HK3: variants seen among roughly 807,000 people sequenced by gnomAD.
HK3 encodes hexokinase 3.
In HK3, 93 loss-of-function variants were observed where a neutral mutation model predicts 91.0. That is an observed-to-expected ratio of 1.02 (90% CI 0.86 to 1.21). The LOEUF (loss-of-function observed/expected upper bound fraction) is 1.21, where lower values mean the gene tolerates loss of function less well. HK3 is among the 50% of genes most tolerant of loss of function. HK3 has a pLI of 0.00. For synonymous variants in HK3, 519 were observed against 516.9 expected (o/e 1.00, Z -0.06); for missense variants, 1,235 against 1,247.4 (o/e 0.99, Z 0.15).
chr5:176,891,114 T>C lies in HK3; in HGVS notation c.337A>G (p.Ile113Val), dbSNP rs1432906686. ...CTGGGCTCCACCCTATGCCCCTCAA[T>C]GCCAGTTAGAGTCACCCACAAAACA... Reference protein sequence around the residue: ...LRVLWVTLTGIEGHRVEPRSQ... With the variant: ...LRVLWVTLTGVEGHRVEPRSQ... The change falls in exon 4 of 19, where the codon ATT becomes GTT. Residue 113 changes from isoleucine (I) to valine (V), a missense_variant. Physicochemically the swap from Ile to Val is conservative, Grantham distance 29 (BLOSUM62 3). Transcript: ENST00000292432. The C allele has an allele frequency of 6.2e-7, 1 of 1,614,104 alleles. No individual in the cohort carries two copies. The highest frequency in any genetic ancestry group is 1.7e-5 in the Admixed American group (1 of 60,028).
intron 13 of HK3, among the ~76,000 whole-genome samples, chr5:176,886,740 G>T (rs1405548729): frequency 6.6e-6 from 1 of 152,196 alleles, no homozygotes; most frequent in East Asian, 1.9e-4. Context: ...ACACACCAGT[G>T]CTATAGCTAA....
Position 176,896,151 on chromosome 5 carries a change from G to A in HK3, c.9C>T (p.Ser3=), listed in dbSNP as rs760767742. 43 of 1,607,314 alleles carry A rather than the reference G, an allele frequency of 2.7e-5. 2 individuals carry two copies. In the Middle Eastern group the frequency reaches 5.0e-4, roughly 19 times the overall value. MD[S]IGSSGLRQGE... Reference sequence around the variant, plus strand: ...CCTGCCGCAACCCTGAAGACCCAATGGAGTCCATGAGCTTCCACAGTGGAA... The same window carrying A: ...CCTGCCGCAACCCTGAAGACCCAATAGAGTCCATGAGCTTCCACAGTGGAA... The change falls in exon 2 of 19, where the codon TCC becomes TCT. Residue 3 remains serine (S), a synonymous_variant. Transcript: ENST00000292432.
chr5:176,891,358 T>C, intron 3 of HK3, 30 bp downstream of exon 3: 1 of 1,609,718 alleles, frequency 6.2e-7, no homozygotes, highest in Non-Finnish European at 8.5e-7. Flanking sequence ...CTTCCAGGCC[T>C]GGCCACGCAT....
At position 176,884,991 on chromosome 5, in the gene HK3, A is replaced by C. The variant is rs533155828; in HGVS notation, c.1858-857T>G. ...TTGTCTCAAAAACAGAAAGCAGAGA[A>C]TGTGATAGAGTGAGAGAAAGAACCC... On this transcript the variant is annotated intron_variant, in intron 13 of 18. Coordinates refer to ENST00000292432, the MANE Select transcript of HK3 (RefSeq NM_002115.3). This position sits in a 1 kb window ranked among gnomAD's most constrained non-coding sequence, Gnocchi z 4.1. Among the ~76,000 whole-genome samples the C allele has an allele frequency of 1.3e-5, 2 of 152,294 alleles. No homozygotes were observed. The highest frequency in any genetic ancestry group is 4.8e-5 in the African/African-American group (2 of 41,556).
chr5:176,891,613 C>G (rs1758777853), intron 2 of HK3, 63 bp from the exon 3 acceptor site: 2 of 1,534,770 alleles, frequency 1.3e-6, no homozygotes, highest in Admixed American at 1.9e-5. Flanking sequence ...CTCCCCACCT[C>G]CAAACAAGGC....
Position 176,884,224 on chromosome 5 carries a change from A to G in HK3, c.1858-90T>C, listed in dbSNP as rs1299368779. On this transcript the variant is annotated intron_variant, in intron 13 of 18. Transcript: ENST00000292432. The surrounding 1 kb of genome is among the most constrained non-coding windows in gnomAD (Gnocchi z 4.1). ...CAAAACCTGCATCCATCACAAGCCT[A>G]GGCTTTCCACCCTCCCCAAGCACAA... 1.8e-6 allele frequency: 2 copies of G among 1,083,496 alleles called. No individual in the cohort carries two copies. The highest frequency in any genetic ancestry group is 3.5e-5 in the Admixed American group (2 of 57,718). The allele number at this position is 1,083,496 out of a possible 1,614,324, so 67.1% of individuals were successfully genotyped here. A position where few individuals can be genotyped will look rare whatever the true frequency, so the allele number is the denominator to read the frequency against.
chr5:176,895,256 T>C (rs950670994), intron 2 of HK3, among the ~76,000 whole-genome samples: 1 of 151,944 alleles, frequency 6.6e-6, no homozygotes, highest in East Asian at 1.9e-4. Context: ...TTTGTATTTT[T>C]AGTAGAGACG....
Position 176,887,790 on chromosome 5 carries a change from A to G in HK3, c.1305-44T>C. 2 of 1,564,172 alleles carry G rather than the reference A, an allele frequency of 1.3e-6. No homozygotes were observed. The highest frequency in any genetic ancestry group is 2.4e-5 in the South Asian group (2 of 82,582). ...GCACCCGGCTTGGCCCTGGACCCCC[A>G]GACACACACAGGTGTGCACGGCTTG... On this transcript the variant is annotated intron_variant, in intron 10 of 18. Transcript: ENST00000292432. The surrounding 1 kb of genome is among the most constrained non-coding windows in gnomAD (Gnocchi z 4.9).
At chr5:176,896,011 T>A in intron 2 of HK3, 53 bp downstream of exon 2, 1 of 1,471,088 alleles carries the variant, frequency 6.8e-7, no homozygotes, top group Non-Finnish European at 9.5e-7. Context: ...TCAGTCACGC[T>A]GCTCTTGAAG....
intron 2 of HK3, among the ~76,000 whole-genome samples, chr5:176,895,043 C>T (rs1007654529): frequency 2.0e-5 from 3 of 149,372 alleles, no homozygotes; most frequent in African/African-American, 7.4e-5. Flanking sequence ...TCCCAAAGTG[C>T]TGGGATTACA....
chr5:176,886,137 G>C (rs545353674), intron 13 of HK3, among the ~76,000 whole-genome samples: 38 of 152,132 alleles, frequency 2.5e-4, no homozygotes, highest in Admixed American at 2.1e-3. Flanking sequence ...GCTGAGGCAG[G>C]AGGATTGCTT....
In HK3 at chr5:176,890,992, C is replaced by T. The variant is rs765354352; in HGVS notation, c.414+45G>A. The T allele has an allele frequency of 3.1e-6, 5 of 1,613,746 alleles. No individual in the cohort carries two copies. In the African/African-American group the frequency reaches 6.7e-5, roughly 22 times the overall value. On this transcript the variant is annotated intron_variant, in intron 4 of 18. Coordinates refer to ENST00000292432, the MANE Select transcript of HK3 (RefSeq NM_002115.3). ...CCTTGCCCATCTGAGCCCTAGCCACCCAGCCAGGCCCCCAGACCCCAGAGG... is the reference window on the plus strand; with the variant it reads ...CCTTGCCCATCTGAGCCCTAGCCACTCAGCCAGGCCCCCAGACCCCAGAGG...
chr5:176,887,584 T>C lies in HK3; in HGVS notation c.1467A>G (p.Pro489=), dbSNP rs1438970005. Residue 489 remains proline (P), a synonymous_variant, in exon 11 of 19, where the codon CCA becomes CCG. Transcript: ENST00000292432. This position sits in a 1 kb window ranked among gnomAD's most constrained non-coding sequence, Gnocchi z 4.9. ...CCAGTTGATCATGGTTCAACCGGAA[T>C]GGGGCCAGGGTCTCCTCCAGCAGGC... The part of the protein sequence containing the change: ...HRRLLEETLA[P]FRLNHDQLAA... The C allele has an allele frequency of 1.9e-6, 3 of 1,613,886 alleles. No individual in the cohort carries two copies. The highest frequency in any genetic ancestry group is 2.7e-5 in the African/African-American group (2 of 75,044).
rs200657973 is a variant in HK3, at chr5:176,883,805, T to C, written c.2018A>G (p.Tyr673Cys). The C allele has an allele frequency of 3.8e-4, 620 of 1,613,922 alleles. No individual in the cohort carries two copies. The highest frequency in any genetic ancestry group is 5.0e-4 in the Non-Finnish European group (586 of 1,180,008). ...DTVGTMMSCG[Y>C]EDPRCEIGLI... ...GCCTATCTCGCAACGGGGGTCCTCATAGCCACAGGACATCATGGTCCCCAC... is the reference window on the plus strand; with the variant it reads ...GCCTATCTCGCAACGGGGGTCCTCACAGCCACAGGACATCATGGTCCCCAC... Residue 673 changes from tyrosine (Y) to cysteine (C), a missense_variant, in exon 15 of 19, where the codon TAT becomes TGT. This residue lies in a region of HK3 where 513 missense variants were observed against 477.4 expected (regional missense o/e 1.07). Transcript: ENST00000292432.
intron 3 of HK3, 40 bp downstream of exon 3, chr5:176,891,348 C>T (rs1215666798): frequency 6.2e-7 from 1 of 1,609,150 alleles, no homozygotes; most frequent in South Asian, 1.1e-5. Flanking sequence ...TCAGTACCCT[C>T]TTCCAGGCCT....
intron 1 of HK3, among the ~76,000 whole-genome samples, chr5:176,898,654 G>C (rs190055024): frequency 6.6e-6 from 1 of 152,304 alleles, no homozygotes; most frequent in East Asian, 1.9e-4. Flanking sequence ...ATTCAGCTCT[G>C]TCTCTTCCCA....
intron 1 of HK3, among the ~76,000 whole-genome samples, chr5:176,898,018 C>T (rs915850718): frequency 2.6e-5 from 4 of 152,168 alleles, no homozygotes; most frequent in East Asian, 1.9e-4. Flanking sequence ...CTCACACGGC[C>T]GTTCGGGCTG....
chr5:176,896,246 A>C, intron 1 of HK3, 61 bp from the exon 2 acceptor site: 1 of 809,494 alleles, frequency 1.2e-6, no homozygotes, highest in Non-Finnish European at 1.9e-6. Context: ...AGGAGTCTGT[A>C]ACCCAGACCA....
At chr5:176,893,875 A>C (rs1027738102) in intron 2 of HK3, among the ~76,000 whole-genome samples, 5 of 152,136 alleles carry the variant, frequency 3.3e-5, no homozygotes, top group Admixed American at 6.5e-5. Flanking sequence ...GCAGGGAGAG[A>C]CCTCAGACAG....
Sources: allele counts gnomAD v4.1 joint callset (sites outside exome capture counted in the v4.1 genomes callset), GRCh38; gene constraint gnomAD v4.1.1; regional missense constraint gnomAD v4.1.1; non-coding constraint Gnocchi (gnomAD v3.1); transcripts MANE v1.5; gene names NCBI Gene and HGNC (gene_info 2026-07-23, HGNC 2026-07-21).